The following CNTN5 variants were observed in gnomAD, a reference collection of about 807,000 sequenced individuals.
The protein encoded by CNTN5 is contactin 5, also known as contactin-5.
A neutral mutation model predicts 129.1 loss-of-function variants in CNTN5; 77 were observed. The observed-to-expected ratio is 0.60, with a 90% confidence interval of 0.50 to 0.72. The LOEUF is 0.72. Ranked by LOEUF, CNTN5 falls within the 30% of genes least tolerant of loss-of-function variation. The pLI, the probability that CNTN5 is intolerant of heterozygous loss-of-function variation, is 0.00. For synonymous variants in CNTN5, 509 were observed against 465.6 expected (o/e 1.09, Z -1.20); for missense variants, 1,478 against 1,328.8 (o/e 1.11, Z -1.75).
At chr11:99,795,638 T>C (rs1027561043) in intron 3 of CNTN5, among the ~76,000 whole-genome samples, 1 of 151,274 alleles carries the variant, frequency 6.6e-6, no homozygotes, top group Non-Finnish European at 1.5e-5. Context: ...ATCATAGACA[T>C]TGTTACCCTT....
At chr11:99,940,362 C>A (rs1650409311) in intron 7 of CNTN5, among the ~76,000 whole-genome samples, 1 of 151,968 alleles carries the variant, frequency 6.6e-6, no homozygotes, top group Non-Finnish European at 1.5e-5. Context: ...AATAAAGAGA[C>A]AATAAACTAA....
intron 6 of CNTN5, among the ~76,000 whole-genome samples, chr11:99,896,603 C>A (rs1245579492): frequency 2.6e-5 from 4 of 152,166 alleles, no homozygotes; most frequent in Non-Finnish European, 5.9e-5. Context: ...TGGGTTATTC[C>A]TCTAAGAGCC....
rs908657485 is a variant in CNTN5 at position 99,515,856 on chromosome 11, A to G, written c.-70-40289A>G. 7.0e-4 allele frequency among the ~76,000 whole-genome samples: 107 copies of G among 152,138 alleles called. 1 individual carries two copies. Among genetic ancestry groups the G allele is most frequent in the African/African-American group, 2.6e-3 (107 of 41,564 alleles). Reference sequence around the variant, plus strand: ...TATATCAATTGCTATTATCTCATACAAAATGAATAATTGCTAGCTATGCTT... The same window carrying G: ...TATATCAATTGCTATTATCTCATACGAAATGAATAATTGCTAGCTATGCTT... On this transcript the variant is annotated intron_variant, in intron 2 of 24. Transcript: ENST00000524871.
At chr11:99,229,468 T>G (rs967368937) in intron 1 of CNTN5, among the ~76,000 whole-genome samples, 1 of 139,476 alleles carries the variant, frequency 7.2e-6, no homozygotes, top group South Asian at 2.2e-4. Context: ...AAGTTTGAAA[T>G]AGGAACTAAA....
At position 100,187,784 on chromosome 11, in the gene CNTN5, T is replaced by C. The variant is rs145543654; in HGVS notation, c.1581-3342T>C. 5.3e-4 allele frequency among the ~76,000 whole-genome samples: 81 copies of C among 152,180 alleles called. No individual in the cohort carries two copies. The East Asian group carries it at 6.8e-3, about 13-fold the overall frequency. ...CCTACCTCTCACCATATACAATAAT[T>C]AACTAAAAATGGATTAAAAATGTAA... On this transcript the variant is annotated intron_variant, in intron 13 of 24. Transcript: ENST00000524871.
At chr11:100,019,511 A>C (rs574515331) in intron 9 of CNTN5, among the ~76,000 whole-genome samples, 57 of 152,106 alleles carry the variant, frequency 3.7e-4, no homozygotes, top group African/African-American at 1.3e-3. Flanking sequence ...ATGTTGTTAC[A>C]AATGACAGGA....
chr11:99,309,337 A>T (rs1159359368), intron 1 of CNTN5, among the ~76,000 whole-genome samples: 1 of 151,926 alleles, frequency 6.6e-6, no homozygotes, highest in African/African-American at 2.4e-5. Context: ...AGGCACCTTG[A>T]TGCTGAAGAG....
intron 13 of CNTN5, among the ~76,000 whole-genome samples, chr11:100,157,189 T>G (rs1388514418): frequency 1.3e-5 from 2 of 151,952 alleles, no homozygotes; most frequent in East Asian, 3.9e-4. Context: ...AATGGCATGT[T>G]GTTAGTACAT....
At chr11:100,015,592 T>G (rs1253026532) in intron 9 of CNTN5, among the ~76,000 whole-genome samples, 2 of 152,158 alleles carry the variant, frequency 1.3e-5, no homozygotes. Context: ...CTTGTATATT[T>G]AGCACACATC....
intron 1 of CNTN5, among the ~76,000 whole-genome samples, chr11:99,070,635 T>C (rs1290389046): frequency 1.3e-5 from 2 of 152,140 alleles, no homozygotes; most frequent in East Asian, 3.9e-4. Flanking sequence ...ATTATATTTA[T>C]ATGATCTTTT....
intron 13 of CNTN5, among the ~76,000 whole-genome samples, chr11:100,121,878 A>G (rs975751094): frequency 6.6e-6 from 1 of 152,038 alleles, no homozygotes; most frequent in African/African-American, 2.4e-5. Flanking sequence ...AAAATGATAG[A>G]GAATTACAAT....
At chr11:99,097,139 C>G (rs1470065028) in intron 1 of CNTN5, among the ~76,000 whole-genome samples, 3 of 151,878 alleles carry the variant, frequency 2.0e-5, no homozygotes, top group Non-Finnish European at 4.4e-5. Flanking sequence ...AGATAAATAT[C>G]ATAAAGAAAA....
At chr11:99,769,719 T>G (rs1944878581) in intron 3 of CNTN5, among the ~76,000 whole-genome samples, 1 of 150,564 alleles carries the variant, frequency 6.6e-6, no homozygotes, top group Admixed American at 6.7e-5. Context: ...GAGGCTGAGG[T>G]GGGAGAATTG....
At chr11:100,181,869 T>G (rs1003837994) in intron 13 of CNTN5, among the ~76,000 whole-genome samples, 3 of 152,044 alleles carry the variant, frequency 2.0e-5, no homozygotes, top group Admixed American at 6.6e-5. Flanking sequence ...AAGACCTAAA[T>G]AGATGGAGTT....
chr11:100,181,146 C>A (rs974293714), intron 13 of CNTN5, among the ~76,000 whole-genome samples: 13 of 151,868 alleles, frequency 8.6e-5, no homozygotes, highest in African/African-American at 3.1e-4. Flanking sequence ...AAAAGTAGAA[C>A]CTGCCCAGAT....
In CNTN5 at chr11:100,268,004, G is replaced by A. The variant is rs578136771; in HGVS notation, c.2165-3088G>A. ...AACTATTTGGGTGGTAAAACCAACA[G>A]CATTTGCTGAAAAACTGGATGTAAA... On this transcript the variant is annotated intron_variant, in intron 17 of 24. Coordinates refer to ENST00000524871, the MANE Select transcript of CNTN5 (RefSeq NM_014361.4). Among the ~76,000 whole-genome samples, 21 of 152,290 alleles carry A rather than the reference G, an allele frequency of 1.4e-4. No individual in the cohort carries two copies. In the South Asian group the frequency reaches 3.9e-3, roughly 29 times the overall value.
chr11:99,915,012 T>C (rs1949751874), intron 6 of CNTN5, among the ~76,000 whole-genome samples: 1 of 152,076 alleles, frequency 6.6e-6, no homozygotes, highest in African/African-American at 2.4e-5. Flanking sequence ...AAGCATATTA[T>C]TTTAGCATGA....
chr11:99,921,263 T>C (rs12276132), intron 7 of CNTN5, among the ~76,000 whole-genome samples: 19,390 of 152,134 alleles, frequency 0.13, 1,677 homozygotes, highest in African/African-American at 0.25. Context: ...TTGCCTCCAA[T>C]TGATCTGTCT....
At chr11:99,380,460 C>T (rs1391997015) in intron 2 of CNTN5, among the ~76,000 whole-genome samples, 2 of 152,050 alleles carry the variant, frequency 1.3e-5, no homozygotes, top group Admixed American at 1.3e-4. Context: ...GAACATTTGT[C>T]AGATTTGTTC....
Sources: allele counts gnomAD v4.1 joint callset (sites outside exome capture counted in the v4.1 genomes callset), GRCh38; gene constraint gnomAD v4.1.1; transcripts MANE v1.5; gene names NCBI Gene and HGNC (gene_info 2026-07-23, HGNC 2026-07-21).